The following RFX4 variants were observed in gnomAD, a reference collection of about 807,000 sequenced individuals.
RFX4 encodes the protein regulatory factor X4.
A neutral mutation model predicts 95.0 loss-of-function variants in RFX4; 10 were observed. The observed-to-expected ratio is 0.11, with a 90% CI of 0.06 to 0.18. The LOEUF (loss-of-function observed/expected upper bound fraction) is 0.18, where lower values mean the gene tolerates loss of function less well. RFX4 is among the 10% of genes least tolerant of loss of function. RFX4 has a pLI of 1.00. For synonymous variants in RFX4, 321 were observed against 340.7 expected (o/e 0.94, Z 0.64); for missense variants, 640 against 922.0 (o/e 0.69, Z 3.96).
intron 10 of RFX4, chr12:106,715,090 G>A (rs994831110): frequency 8.9e-6 from 2 of 223,672 alleles, no homozygotes; most frequent in South Asian, 1.1e-4. Flanking sequence ...CAGATCTCTG[G>A]GCTTCATCCC....
chr12:106,719,550 AT>A (rs1235574468), intron 11 of RFX4, among the ~76,000 whole-genome samples: 2 of 152,214 alleles, frequency 1.3e-5, no homozygotes, highest in Middle Eastern at 3.2e-3. Flanking sequence ...AAAACCGATA[AT>A]AAAGTGCTAT....
In RFX4 at chr12:106,583,117, T is replaced by G; in HGVS notation, c.-204T>G. On this transcript the variant is annotated 5_prime_UTR_variant, in exon 1 of 18. Transcript: ENST00000392842. Reference sequence around the variant, plus strand: ...GCTCGCTCCCTTCTCTCCCTCTCTCTCCTCTTTTCTTCTTTCTCTTTTCTT... The same window carrying G: ...GCTCGCTCCCTTCTCTCCCTCTCTCGCCTCTTTTCTTCTTTCTCTTTTCTT... 1 of 461,592 alleles carries G rather than the reference T, an allele frequency of 2.2e-6. No homozygotes were observed. The highest frequency in any genetic ancestry group is 3.6e-5 in the East Asian group (1 of 28,024). The allele number at this position is 461,592 out of a possible 1,614,324, so 28.6% of individuals were successfully genotyped here.
At chr12:106,681,576 G>A (rs2041514947) in intron 4 of RFX4, among the ~76,000 whole-genome samples, 1 of 152,218 alleles carries the variant, frequency 6.6e-6, no homozygotes, top group East Asian at 1.9e-4. Flanking sequence ...CAGTGTGGCT[G>A]GGATCTGGTG....
At chr12:106,646,645 C>T (rs970546978) in intron 3 of RFX4, among the ~76,000 whole-genome samples, 8 of 152,094 alleles carry the variant, frequency 5.3e-5, no homozygotes, top group Non-Finnish European at 1.2e-4. Context: ...TCCATTGCCC[C>T]ACATCAGCCA....
intron 1 of RFX4, among the ~76,000 whole-genome samples, chr12:106,588,446 T>A (rs2039494156): frequency 4.6e-5 from 7 of 152,140 alleles, no homozygotes; most frequent in Admixed American, 3.9e-4. Flanking sequence ...CATTGGCCAA[T>A]GTACTAAAAT....
At chr12:106,757,132 C>A (rs1447570797) in intron 17 of RFX4, among the ~76,000 whole-genome samples, 1 of 152,154 alleles carries the variant, frequency 6.6e-6, no homozygotes, top group East Asian at 1.9e-4. Context: ...TGGACCATGA[C>A]CCTGTGATTC....
chr12:106,736,788 C>T (rs2042716558), intron 15 of RFX4, among the ~76,000 whole-genome samples: 1 of 152,094 alleles, frequency 6.6e-6, no homozygotes, highest in South Asian at 2.1e-4. Context: ...CTGGTTCAGG[C>T]CACCCCCACC....
chr12:106,636,403 A>AG (rs1377081491), intron 2 of RFX4, among the ~76,000 whole-genome samples: 3 of 151,642 alleles, frequency 2.0e-5, no homozygotes, highest in Non-Finnish European at 4.4e-5. Flanking sequence ...AAAAAAAAAA[A>AG]AAAAGAAAAG....
In RFX4 at chr12:106,595,129, C is replaced by T. The variant is rs191506661; in HGVS notation, c.43+11766C>T. ...ACTTTATTTAACTCACATATTGACT[C>T]TATGGTATTATTACTCCCAGTTTAC... On this transcript the variant is annotated intron_variant, in intron 1 of 17. Coordinates refer to ENST00000392842, the MANE Select transcript of RFX4 (RefSeq NM_213594.3). Among the ~76,000 whole-genome samples, 212 of 152,286 alleles carry T rather than the reference C, an allele frequency of 1.4e-3. 1 individual carries two copies. The highest frequency in any genetic ancestry group is 3.4e-3 in the Middle Eastern group (1 of 294).
chr12:106,716,872 G>A (rs1265864496), intron 11 of RFX4, among the ~76,000 whole-genome samples: 1 of 151,894 alleles, frequency 6.6e-6, no homozygotes, highest in Non-Finnish European at 1.5e-5. Flanking sequence ...TTAGAGAGTT[G>A]GTGAACCTAA....
chr12:106,701,646 A>G (rs552202691), intron 8 of RFX4, among the ~76,000 whole-genome samples: 4 of 152,318 alleles, frequency 2.6e-5, no homozygotes, highest in African/African-American at 7.2e-5. Context: ...TGCTATGCCA[A>G]TGCTACTAAT....
chr12:106,739,368 C>T (rs2042766993), intron 15 of RFX4, among the ~76,000 whole-genome samples: 1 of 152,074 alleles, frequency 6.6e-6, no homozygotes, highest in African/African-American at 2.4e-5. Context: ...TTTGGATGGA[C>T]ACTTCTCCAT....
At chr12:106,601,715 G>A (rs2039715307) in intron 1 of RFX4, among the ~76,000 whole-genome samples, 2 of 152,226 alleles carry the variant, frequency 1.3e-5, no homozygotes, top group Admixed American at 1.3e-4. Context: ...TTCGCGGCCT[G>A]GTGGGCCCGG....
rs770699855 is a variant in RFX4 at position 106,636,250 on chromosome 12, C to T, written c.131-3082C>T. On this transcript the variant is annotated intron_variant, in intron 2 of 17. Coordinates refer to ENST00000392842, the MANE Select transcript of RFX4 (RefSeq NM_213594.3). The stretch of plus-strand genomic sequence containing the variant: ...CTAAAAATACAAAAAATTAGCCAGG[C>T]GTGGTTGTGGGCACCTGTAATCCCA... 5.3e-5 allele frequency among the ~76,000 whole-genome samples: 8 copies of T among 151,752 alleles called. No homozygotes were observed. The South Asian group carries it at 6.3e-4, about 12-fold the overall frequency.
Position 106,583,450 on chromosome 12 carries a change from T to C in RFX4, c.43+87T>C, listed in dbSNP as rs1278244881. 7 of 1,319,764 alleles carry C rather than the reference T, an allele frequency of 5.3e-6. No individual in the cohort carries two copies. The Admixed American group carries it at 8.0e-5, about 15-fold the overall frequency. 81.8% of individuals were successfully genotyped at this position (1,319,764 alleles called of 1,614,324 possible). On this transcript the variant is annotated intron_variant, in intron 1 of 17. Coordinates refer to ENST00000392842, the MANE Select transcript of RFX4 (RefSeq NM_213594.3). Reference sequence around the variant, plus strand: ...ACTTTAGAAAGAAGTTGGGAAAAGTTCAGACGGGTCAACTTGACAGTGGAA... The same window carrying C: ...ACTTTAGAAAGAAGTTGGGAAAAGTCCAGACGGGTCAACTTGACAGTGGAA...
intron 1 of RFX4, among the ~76,000 whole-genome samples, chr12:106,605,819 C>T (rs556893570): frequency 6.6e-6 from 1 of 152,286 alleles, no homozygotes; most frequent in South Asian, 2.1e-4. Context: ...TTCTGGATTG[C>T]CCCAGGGAGC....
rs1325899597 is a variant in RFX4, at chr12:106,583,382, G to GT, written c.43+21dup. The GT allele has an allele frequency of 6.4e-7, 1 of 1,557,526 alleles. No individual in the cohort carries two copies. The highest frequency in any genetic ancestry group is 1.4e-5 in the African/African-American group (1 of 71,232). On this transcript the variant is annotated intron_variant, in intron 1 of 17. Transcript: ENST00000392842. ...TCCACAGGTTAGTCCTACTGGCGGG[G>GT]TTGGGGGGATACATTGGGAGGGAAG...
At chr12:106,724,122 C>G (rs2042446560) in intron 13 of RFX4, among the ~76,000 whole-genome samples, 1 of 152,170 alleles carries the variant, frequency 6.6e-6, no homozygotes, top group African/African-American at 2.4e-5. Context: ...GACCAGGAAG[C>G]TGAGGTAGTA....
rs1360099592 is a variant in RFX4, at chr12:106,711,471, A to G, written c.953A>G (p.Gln318Arg). 9 of 1,613,998 alleles carry G rather than the reference A, an allele frequency of 5.6e-6. No homozygotes were observed. Among genetic ancestry groups the G allele is most frequent in the Non-Finnish European group, 7.6e-6 (9 of 1,179,954 alleles). ...IKFELSRRFSQILRRQTSLNH... is the reference protein window; with the variant it reads ...IKFELSRRFSRILRRQTSLNH... ...CTTGCAGTGTCGAGAAGGTTCTCCC[A>G]AATTCTGAGACGGCAAACATCACTA... Residue 318 changes from glutamine (Q) to arginine (R), a missense_variant, in exon 10 of 18, where the codon CAA becomes CGA. Gln to Arg is a conservative substitution (Grantham distance 43). Transcript: ENST00000392842.
Sources: gnomAD v4.1 joint callset for allele counts (sites outside exome capture counted in the v4.1 genomes callset) on GRCh38, gnomAD v4.1.1 for gene constraint, MANE v1.5 for transcripts, NCBI Gene and HGNC (gene_info 2026-07-23, HGNC 2026-07-21) for gene names.